The following ARHGEF3 variants were observed in gnomAD, a reference collection of about 807,000 sequenced individuals.
ARHGEF3 encodes Rho guanine nucleotide exchange factor 3.
A neutral mutation model predicts 63.2 loss-of-function variants in ARHGEF3; 28 were observed. The ratio of observed to expected loss-of-function variants is 0.44; its 90% CI spans 0.33 to 0.61. ARHGEF3 has a LOEUF of 0.61. Among genes scored for constraint, ARHGEF3 ranks in the 20% least tolerant of loss-of-function variants. The probability of loss-of-function intolerance (pLI) is 0.03; values close to 1 mark genes in which losing one functional copy is unlikely to be tolerated. For missense variants in ARHGEF3, 533 were observed against 659.3 expected (o/e 0.81, Z 2.10); for synonymous variants, 266 against 254.2 (o/e 1.05, Z -0.44).
At chr3:56,896,945 C>G (rs1209391080) in intron 3 of ARHGEF3, among the ~76,000 whole-genome samples, 1 of 152,166 alleles carries the variant, frequency 6.6e-6, no homozygotes. Flanking sequence ...TGGAAAGTTA[C>G]TATTTTTCTG....
At chr3:56,893,139 C>T (rs72870537) in intron 3 of ARHGEF3, among the ~76,000 whole-genome samples, 7,843 of 152,208 alleles carry the variant, frequency 0.052, 678 homozygotes, top group African/African-American at 0.18. Flanking sequence ...TATATTCTGG[C>T]TGCTTAAGGT....
intron 2 of ARHGEF3, among the ~76,000 whole-genome samples, chr3:57,009,263 A>T (rs546727481): frequency 1.1e-4 from 17 of 152,210 alleles, no homozygotes; most frequent in African/African-American, 4.1e-4. Context: ...TTTTTTATTT[A>T]AAAAAAATAG....
chr3:56,887,648 G>C (rs184497120), intron 3 of ARHGEF3, among the ~76,000 whole-genome samples: 2 of 152,302 alleles, frequency 1.3e-5, no homozygotes, highest in Admixed American at 1.3e-4. Flanking sequence ...TGTGTGAACT[G>C]TGCATTTGCA....
At chr3:56,750,982 A>G in intron 6 of ARHGEF3, 74 bp downstream of exon 6, 2 of 1,050,776 alleles carry the variant, frequency 1.9e-6, no homozygotes, top group Non-Finnish European at 2.6e-6. Context: ...AAAATAAAAA[A>G]AGTCTAGCTA....
At chr3:56,855,324 AC>A (rs2039831049) in intron 4 of ARHGEF3, among the ~76,000 whole-genome samples, 1 of 152,198 alleles carries the variant, frequency 6.6e-6, no homozygotes, top group African/African-American at 2.4e-5. Flanking sequence ...GAATTCAAAT[AC>A]ACGTTTGCTA....
chr3:57,017,032 T>TCACACACACA (rs1553806980), intron 2 of ARHGEF3, among the ~76,000 whole-genome samples: 33 of 104,314 alleles, frequency 3.2e-4, no homozygotes, highest in African/African-American at 1.1e-3. Flanking sequence ...TCTCTCTCTC[T>TCACACACACA]CACACACACA....
At chr3:56,899,294 T>A (rs917193272) in intron 3 of ARHGEF3, among the ~76,000 whole-genome samples, 1 of 151,824 alleles carries the variant, frequency 6.6e-6, no homozygotes, top group Non-Finnish European at 1.5e-5. Flanking sequence ...ACCGGGAGAG[T>A]CAGCTTATGT....
chr3:56,901,744 C>A (rs1239100363), intron 3 of ARHGEF3, among the ~76,000 whole-genome samples: 2 of 151,960 alleles, frequency 1.3e-5, no homozygotes, highest in Non-Finnish European at 2.9e-5. Context: ...CCACCATACC[C>A]CACTAATTTT....
chr3:56,729,209 T>G lies in ARHGEF3; in HGVS notation c.*61A>C. On this transcript the variant is annotated 3_prime_UTR_variant, in exon 10 of 10. Coordinates refer to ENST00000296315, the MANE Select transcript of ARHGEF3 (RefSeq NM_019555.3). ...GTGCTTCTCCAAACCGTTCCATCTG[T>G]GGAATGCAAATACTGTACAGGTAAG... 1 of 1,449,492 alleles carries G rather than the reference T, an allele frequency of 6.9e-7. No homozygotes were observed. The highest frequency in any genetic ancestry group is 1.3e-5 in the South Asian group (1 of 74,828). 89.8% of individuals were successfully genotyped at this position (1,449,492 alleles called of 1,614,324 possible). A position where few individuals can be genotyped will look rare whatever the true frequency, so the allele number is the denominator to read the frequency against.
At chr3:56,799,688 C>T (rs141234525) in intron 1 of ARHGEF3, among the ~76,000 whole-genome samples, 1 of 152,300 alleles carries the variant, frequency 6.6e-6, no homozygotes, top group Non-Finnish European at 1.5e-5. Flanking sequence ...CAAGGGTTGG[C>T]TGCCTTTTGC....
At chr3:56,735,890 G>T (rs746156348) in intron 8 of ARHGEF3, among the ~76,000 whole-genome samples, 10 of 152,188 alleles carry the variant, frequency 6.6e-5, no homozygotes, top group Non-Finnish European at 1.3e-4. Flanking sequence ...TGGCTGCTCA[G>T]TCTAGACTAA....
At chr3:56,914,139 A>G (rs1386200323) in intron 3 of ARHGEF3, among the ~76,000 whole-genome samples, 1 of 152,190 alleles carries the variant, frequency 6.6e-6, no homozygotes, top group Non-Finnish European at 1.5e-5. Context: ...AGGGTGAGAG[A>G]GGAGTGAGGG....
chr3:57,053,156 C>T (rs1488727003), intron 1 of ARHGEF3, among the ~76,000 whole-genome samples: 1 of 152,226 alleles, frequency 6.6e-6, no homozygotes, highest in African/African-American at 2.4e-5. Flanking sequence ...AAATGCACCC[C>T]TTCCTTAAAC....
chr3:56,909,124 A>C (rs1407184210), intron 3 of ARHGEF3, among the ~76,000 whole-genome samples: 1 of 152,248 alleles, frequency 6.6e-6, no homozygotes, highest in Non-Finnish European at 1.5e-5. Flanking sequence ...AAGAAGGAGA[A>C]GGGAGAATGG....
rs146702115 is a variant in ARHGEF3 at position 56,822,878 on chromosome 3, C to T, written c.193-49062G>A. Among the ~76,000 whole-genome samples the T allele has an allele frequency of 2.7e-3, 396 of 147,008 alleles. 4 individuals are homozygous for T. The highest frequency in any genetic ancestry group is 0.018 in the South Asian group (86 of 4,676). On this transcript the variant is annotated intron_variant, in intron 4 of 12. Coordinates refer to the ARHGEF3 transcript ENST00000338458. ...AAAAAAAAAAAAAATCACGGTGTAT[C>T]AGAAGGAAGGTCTCCCAATGATGGG... is the stretch of plus-strand genomic sequence containing the variant.
At position 56,752,547 on chromosome 3, in the gene ARHGEF3, G is replaced by C. The variant is rs904162376; in HGVS notation, c.438+957C>G. On this transcript the variant is annotated intron_variant, in intron 4 of 9. Coordinates refer to ENST00000296315, the MANE Select transcript of ARHGEF3 (RefSeq NM_019555.3). The stretch of plus-strand genomic sequence containing the variant: ...TAAGAATAAACTGAGATTTGAGCTG[G>C]TTCCTGAAGGATGGGTGGATATGAA... Among the ~76,000 whole-genome samples, 33 of 152,180 alleles carry C rather than the reference G, an allele frequency of 2.2e-4. 1 individual carries two copies. Among genetic ancestry groups the C allele is most frequent in the Admixed American group, 1.7e-3 (26 of 15,270 alleles).
intron 2 of ARHGEF3, among the ~76,000 whole-genome samples, chr3:56,985,297 C>A (rs1701490427): frequency 1.3e-5 from 2 of 152,250 alleles, no homozygotes; most frequent in South Asian, 4.1e-4. Context: ...CCATGTTGGC[C>A]AGGCTGGTCT....
At chr3:57,027,950 A>G (rs953013817) in intron 2 of ARHGEF3, among the ~76,000 whole-genome samples, 3 of 152,150 alleles carry the variant, frequency 2.0e-5, no homozygotes, top group Non-Finnish European at 4.4e-5. Context: ...TTCCCTCATC[A>G]TCACTGGCCA....
At chr3:57,060,384 C>T (rs1318899246) in intron 1 of ARHGEF3, 1 of 151,878 alleles carries the variant, frequency 6.6e-6, no homozygotes, top group Non-Finnish European at 1.5e-5. Context: ...CTCGGGTTAT[C>T]AAAAAGGAGC....
Sources: gnomAD v4.1 joint callset for allele counts (sites outside exome capture counted in the v4.1 genomes callset) on GRCh38, gnomAD v4.1.1 for gene constraint, MANE v1.5 for transcripts, NCBI Gene and HGNC (gene_info 2026-07-23, HGNC 2026-07-21) for gene names.